Variants in CDH4 observed in about 807,000 individuals in gnomAD.
The protein encoded by CDH4 is cadherin 4, also known as cadherin-4.
CDH4 carries 33 observed loss-of-function variants against 86.0 expected under a neutral mutation model. The ratio of observed to expected loss-of-function variants is 0.38; its 90% CI spans 0.29 to 0.51. The LOEUF is 0.51. Among genes scored for constraint, CDH4 ranks in the 20% least tolerant of loss-of-function variants. The pLI is 0.86. For synonymous variants in CDH4, 555 were observed against 549.4 expected (o/e 1.01, Z -0.14); for missense variants, 1,114 against 1,307.4 (o/e 0.85, Z 2.28).
At chr20:61,478,876 A>G (rs1472109707) in intron 2 of CDH4, among the ~76,000 whole-genome samples, 1 of 152,118 alleles carries the variant, frequency 6.6e-6, no homozygotes, top group Admixed American at 6.5e-5. Context: ...GGGGCATCTT[A>G]AACATCCTGG....
chr20:61,292,319 G>T (rs1056814044), intron 2 of CDH4, among the ~76,000 whole-genome samples: 6 of 152,262 alleles, frequency 3.9e-5, no homozygotes, highest in African/African-American at 1.4e-4. Context: ...TTTTCTGTAA[G>T]TAAGGACTGA....
chr20:61,520,773 A>G (rs995506925), intron 2 of CDH4, among the ~76,000 whole-genome samples: 4 of 152,198 alleles, frequency 2.6e-5, no homozygotes, highest in Non-Finnish European at 4.4e-5. Context: ...AACCCCCCGT[A>G]CTGCTTATTA....
intron 2 of CDH4, among the ~76,000 whole-genome samples, chr20:61,722,275 G>A (rs1394947068): frequency 1.3e-5 from 2 of 152,186 alleles, no homozygotes; most frequent in African/African-American, 4.8e-5. Flanking sequence ...TCTCAATGCT[G>A]TGGAAGGGCT....
At chr20:61,648,523 C>A (rs1226471396) in intron 2 of CDH4, among the ~76,000 whole-genome samples, 1 of 152,202 alleles carries the variant, frequency 6.6e-6, no homozygotes, top group South Asian at 2.1e-4. Flanking sequence ...GTCGTCTAGA[C>A]AGTATGGGGT....
intron 2 of CDH4, among the ~76,000 whole-genome samples, chr20:61,693,537 C>G (rs1488703277): frequency 6.6e-6 from 1 of 152,262 alleles, no homozygotes; most frequent in East Asian, 1.9e-4. Context: ...AGCACCTGCT[C>G]CACAGTGCCT....
intron 2 of CDH4, among the ~76,000 whole-genome samples, chr20:61,529,807 G>A (rs190116688): frequency 6.6e-6 from 1 of 152,170 alleles, no homozygotes; most frequent in Admixed American, 6.5e-5. Flanking sequence ...GCTGTCTGAT[G>A]GGTGGAACAC....
intron 2 of CDH4, among the ~76,000 whole-genome samples, chr20:61,605,988 G>A (rs2086642753): frequency 6.6e-6 from 1 of 152,140 alleles, no homozygotes; most frequent in Non-Finnish European, 1.5e-5. Flanking sequence ...GCCCTGGGTG[G>A]ATGGACTCTG....
chr20:61,862,822 T>C (rs1016840518), intron 6 of CDH4, among the ~76,000 whole-genome samples: 2 of 152,254 alleles, frequency 1.3e-5, no homozygotes, highest in African/African-American at 2.4e-5. Context: ...TTGAAATTAA[T>C]GTCATTTTAA....
intron 2 of CDH4, among the ~76,000 whole-genome samples, chr20:61,621,823 A>T (rs1245441160): frequency 6.6e-6 from 1 of 152,256 alleles, no homozygotes; most frequent in Non-Finnish European, 1.5e-5. Flanking sequence ...TTTGCCACAG[A>T]TGAAAACGCT....
At chr20:61,303,881 G>A (rs1273212069) in intron 2 of CDH4, among the ~76,000 whole-genome samples, 2 of 152,182 alleles carry the variant, frequency 1.3e-5, no homozygotes, top group African/African-American at 4.8e-5. Flanking sequence ...GGTCCGATGG[G>A]CACGGTGCCA....
intron 2 of CDH4, among the ~76,000 whole-genome samples, chr20:61,672,670 G>A (rs2087403648): frequency 6.6e-6 from 1 of 152,198 alleles, no homozygotes; most frequent in African/African-American, 2.4e-5. Flanking sequence ...TGGACAGTGA[G>A]GCATCTGCCA....
At chr20:61,733,190 G>A (rs117553607) in intron 2 of CDH4, among the ~76,000 whole-genome samples, 4,114 of 152,202 alleles carry the variant, frequency 0.027, 89 homozygotes, top group Non-Finnish European at 0.039. Context: ...TGCTGATGTC[G>A]TTTAGGAGGG....
At chr20:61,268,941 A>G (rs1187504398) in intron 2 of CDH4, among the ~76,000 whole-genome samples, 2 of 152,136 alleles carry the variant, frequency 1.3e-5, no homozygotes, top group East Asian at 3.9e-4. Context: ...GCTCTGGACG[A>G]TTTGTGGGTG....
At chr20:61,652,416 T>C (rs1045224657) in intron 2 of CDH4, among the ~76,000 whole-genome samples, 1 of 152,332 alleles carries the variant, frequency 6.6e-6, no homozygotes, top group South Asian at 2.1e-4. Context: ...TACATCACTA[T>C]TTTAAATGAC....
At chr20:61,629,485 C>A (rs2145785814) in intron 2 of CDH4, among the ~76,000 whole-genome samples, 1 of 152,320 alleles carries the variant, frequency 6.6e-6, no homozygotes, top group Non-Finnish European at 1.5e-5. Flanking sequence ...GAATGGTGGG[C>A]TGTTATCTGT....
intron 3 of CDH4, among the ~76,000 whole-genome samples, chr20:61,769,288 A>G (rs1166494247): frequency 6.6e-6 from 1 of 152,138 alleles, no homozygotes; most frequent in Non-Finnish European, 1.5e-5. Flanking sequence ...CTTAGGTGAG[A>G]CCTAGGAACC....
chr20:61,625,046 T>A (rs893437720), intron 2 of CDH4, among the ~76,000 whole-genome samples: 1 of 152,202 alleles, frequency 6.6e-6, no homozygotes, highest in Non-Finnish European at 1.5e-5. Flanking sequence ...GAGGGGCTTT[T>A]GTTTCCGAGT....
In CDH4 at chr20:61,502,903, T is replaced by C. The variant is rs114790756; in HGVS notation, c.170-240660T>C. Among the ~76,000 whole-genome samples, 293 of 152,296 alleles carry C rather than the reference T, an allele frequency of 1.9e-3. 2 individuals are homozygous for C. Among genetic ancestry groups the C allele is most frequent in the African/African-American group, 6.9e-3 (287 of 41,562 alleles). On this transcript the variant is annotated intron_variant, in intron 2 of 15. Transcript: ENST00000614565. The stretch of plus-strand genomic sequence containing the variant: ...ACAGTGGAGGGTTCCTTGTGGTTGT[T>C]GGGGCAATTTATTTACTAAAACAGT...
intron 2 of CDH4, among the ~76,000 whole-genome samples, chr20:61,694,303 GT>G (rs2087693477): frequency 6.6e-6 from 1 of 152,116 alleles, no homozygotes; most frequent in African/African-American, 2.4e-5. Flanking sequence ...AGGCACTGCT[GT>G]TTCTACTCCC....
Sources: allele counts gnomAD v4.1 joint callset (sites outside exome capture counted in the v4.1 genomes callset), GRCh38; gene constraint gnomAD v4.1.1; transcripts MANE v1.5; gene names NCBI Gene and HGNC (gene_info 2026-07-23, HGNC 2026-07-21).